DMD: variants seen among roughly 807,000 people sequenced by gnomAD.
The protein encoded by DMD is mutant dystrophin.
In DMD, 63 loss-of-function variants were observed where a neutral mutation model predicts 330.1. The observed-to-expected ratio is 0.19, with a 90% CI of 0.16 to 0.24. The LOEUF is 0.24. DMD is among the 10% of genes least tolerant of loss of function. The pLI is 1.00. For missense variants in DMD, 3,344 were observed against 2,684.1 expected (o/e 1.25, Z -5.43); for synonymous variants, 1,223 against 959.8 (o/e 1.27, Z -5.07).
chrX:31,701,151 A>G (rs1387051330), intron 52 of DMD, among the ~76,000 whole-genome samples: 1 of 112,286 alleles, frequency 8.9e-6, no homozygotes, highest in Non-Finnish European at 1.9e-5. Context: ...CATTTGTTGG[A>G]ATATAAATAT....
At chrX:32,768,029 AAT>A (rs1433703873) in intron 7 of DMD, among the ~76,000 whole-genome samples, 2 of 112,152 alleles carry the variant, frequency 1.8e-5, no homozygotes, top group African/African-American at 6.5e-5. Context: ...AATTTCCAGC[AAT>A]GTTTCAACTA....
At chrX:33,197,457 TG>T (rs2051011951) in intron 1 of DMD, among the ~76,000 whole-genome samples, 1 of 111,462 alleles carries the variant, frequency 9.0e-6, no homozygotes, top group Non-Finnish European at 1.9e-5. Flanking sequence ...TGTGTGTGTG[TG>T]TTTGTGTGTG....
chrX:32,038,099 T>A (rs1337048472), intron 44 of DMD, among the ~76,000 whole-genome samples: 1 of 111,808 alleles, frequency 8.9e-6, no homozygotes, highest in African/African-American at 3.2e-5. Context: ...GGCCTTAACA[T>A]AAGAGATACA....
chrX:31,778,055 AC>A (rs1458972332), intron 50 of DMD, among the ~76,000 whole-genome samples: 1 of 111,563 alleles, frequency 9.0e-6, no homozygotes, highest in Non-Finnish European at 1.9e-5. Context: ...CTTCTTGAAA[AC>A]TTTTTCTCTC....
chrX:32,741,810 A>G (rs2069312500), intron 7 of DMD, among the ~76,000 whole-genome samples: 1 of 111,974 alleles, frequency 8.9e-6, no homozygotes, highest in African/African-American at 3.2e-5. Context: ...TGTATGGCAT[A>G]TAAATTATAT....
intron 59 of DMD, among the ~76,000 whole-genome samples, chrX:31,455,845 C>T (rs903267636): frequency 1.8e-5 from 2 of 111,960 alleles, no homozygotes; most frequent in African/African-American, 6.5e-5. Context: ...GGCATTTTAA[C>T]AACACTGAAT....
chrX:32,150,332 T>C (rs1603627195), intron 44 of DMD, among the ~76,000 whole-genome samples: 1 of 112,412 alleles, frequency 8.9e-6, no homozygotes, highest in African/African-American at 3.2e-5. Flanking sequence ...GGATGGAATG[T>C]AATACTGTGA....
chrX:31,429,377 G>A, intron 60 of DMD, among the ~76,000 whole-genome samples: 1 of 111,486 alleles, frequency 9.0e-6, no homozygotes, highest in Non-Finnish European at 1.9e-5. Context: ...AGGCTCCATT[G>A]GAATGGCTGT....
chrX:31,611,870 T>A (rs1005307654), intron 55 of DMD, among the ~76,000 whole-genome samples: 5 of 111,335 alleles, frequency 4.5e-5, no homozygotes, highest in African/African-American at 1.6e-4. Context: ...CATTTAGCCT[T>A]TAAATTTTTT....
At chrX:32,613,111 C>G (rs2057299885) in intron 12 of DMD, among the ~76,000 whole-genome samples, 1 of 111,315 alleles carries the variant, frequency 9.0e-6, no homozygotes, top group African/African-American at 3.3e-5. Flanking sequence ...GTAGAGTTGC[C>G]AGATAAAATA....
intron 51 of DMD, among the ~76,000 whole-genome samples, chrX:31,745,085 G>A (rs1479265773): frequency 9.0e-6 from 1 of 111,648 alleles, no homozygotes; most frequent in African/African-American, 3.3e-5. Flanking sequence ...ATTTTATATG[G>A]GACCAGGTTC....
At chrX:31,768,600 T>C (rs1037664118) in intron 51 of DMD, among the ~76,000 whole-genome samples, 14 of 111,263 alleles carry the variant, frequency 1.3e-4, no homozygotes, top group African/African-American at 4.2e-4. Context: ...GGACATATTT[T>C]TCCCTTCATT....
At chrX:32,222,707 A>T (rs2097135728) in intron 43 of DMD, among the ~76,000 whole-genome samples, 2 of 111,801 alleles carry the variant, frequency 1.8e-5, no homozygotes, top group African/African-American at 6.5e-5. Flanking sequence ...CCAACATAGA[A>T]TCTGAGCCAT....
intron 3 of DMD, among the ~76,000 whole-genome samples, chrX:32,846,032 A>T (rs930559990): frequency 9.0e-6 from 1 of 111,717 alleles, no homozygotes; most frequent in Non-Finnish European, 1.9e-5. Context: ...TGCTCAAACC[A>T]TTGTACATAT....
At chrX:32,363,497 C>T (rs1000254265) in intron 36 of DMD, among the ~76,000 whole-genome samples, 1 of 111,806 alleles carries the variant, frequency 8.9e-6, no homozygotes, top group Non-Finnish European at 1.9e-5. Flanking sequence ...TACAGAGGTA[C>T]TGAGGAATGT....
chrX:32,631,376 G>T (rs1187762621), intron 11 of DMD, among the ~76,000 whole-genome samples: 1 of 111,635 alleles, frequency 9.0e-6, no homozygotes, highest in Non-Finnish European at 1.9e-5. Context: ...TCTACAATCG[G>T]CAGGTGGCAA....
At chrX:32,053,627 C>T (rs2096135393) in intron 44 of DMD, among the ~76,000 whole-genome samples, 1 of 110,941 alleles carries the variant, frequency 9.0e-6, no homozygotes, top group South Asian at 3.8e-4. Flanking sequence ...TAAATATGCC[C>T]TTGACTTTTG....
chrX:33,278,643 C>T (rs2053274039), intron 1 of DMD, among the ~76,000 whole-genome samples: 1 of 111,376 alleles, frequency 9.0e-6, no homozygotes, highest in African/African-American at 3.3e-5. Context: ...TAATGAACAT[C>T]CCAGTGCATA....
At position 32,678,538 on chromosome X, in the gene DMD, G is replaced by A. The variant is rs769784139; in HGVS notation, c.960+19332C>T. Among the ~76,000 whole-genome samples, 7 of 110,822 alleles carry A rather than the reference G, an allele frequency of 6.3e-5. No homozygotes were observed. In the East Asian group the frequency reaches 2.0e-3, roughly 31 times the overall value. On this transcript the variant is annotated intron_variant, in intron 9 of 78. Transcript: ENST00000357033. Reference sequence around the variant, plus strand: ...TGTGTGTGTTGTGTTGTGTATGTGTGTATGGGTGGGTGCCTACATGCTTAG... The same window carrying A: ...TGTGTGTGTTGTGTTGTGTATGTGTATATGGGTGGGTGCCTACATGCTTAG...
Sources: allele counts gnomAD v4.1 joint callset (sites outside exome capture counted in the v4.1 genomes callset), GRCh38; gene constraint gnomAD v4.1.1; transcripts MANE v1.5; gene names NCBI Gene and HGNC (gene_info 2026-07-23, HGNC 2026-07-21).